SNX1: variants seen among roughly 807,000 people sequenced by gnomAD.
The protein encoded by SNX1 is sorting nexin-1.
In SNX1, 36 loss-of-function variants were observed where a neutral mutation model predicts 71.8. The observed-to-expected ratio is 0.50, with a 90% CI of 0.38 to 0.66. The LOEUF (loss-of-function observed/expected upper bound fraction) is 0.66, where lower values mean the gene tolerates loss of function less well. Among genes scored for constraint, SNX1 ranks in the 30% least tolerant of loss-of-function variants. The pLI, the probability that SNX1 is intolerant of heterozygous loss-of-function variation, is 0.00. For synonymous variants in SNX1, 254 were observed against 240.7 expected (o/e 1.06, Z -0.51); for missense variants, 612 against 646.7 (o/e 0.95, Z 0.58).
Position 64,134,762 on chromosome 15 carries a change from C to T in SNX1, c.1320C>T (p.Ala440=). 6.2e-7 allele frequency: 1 copy of T among 1,613,942 alleles called. No individual in the cohort carries two copies. The highest frequency in any genetic ancestry group is 8.5e-7 in the Non-Finnish European group (1 of 1,180,024). The change falls in exon 12 of 15, where the codon GCC becomes GCT. Residue 440 remains alanine (A), a synonymous_variant. Coordinates refer to ENST00000559844, the MANE Select transcript of SNX1 (RefSeq NM_003099.5). This position sits in a 1 kb window ranked among gnomAD's most constrained non-coding sequence, Gnocchi z 4.1. ...AGGCCGAGGCTCGGCTGCTGTGGGC[C>T]AACAAGCCTGATAAGCTGCAGCAGG... ...KREAEARLLW[A]NKPDKLQQAK...
intron 2 of SNX1, among the ~76,000 whole-genome samples, chr15:64,117,256 A>G (rs1223437360): frequency 6.6e-6 from 1 of 151,936 alleles, no homozygotes; most frequent in African/African-American, 2.4e-5. Context: ...TTTACAAGCA[A>G]TTTTTTTTCT....
chr15:64,120,814 T>C (rs887839834), intron 4 of SNX1, among the ~76,000 whole-genome samples: 1 of 152,112 alleles, frequency 6.6e-6, no homozygotes, highest in Admixed American at 6.6e-5. Flanking sequence ...GCACTCCACG[T>C]TGGGTAACAG....
intron 1 of SNX1, among the ~76,000 whole-genome samples, chr15:64,107,196 A>C (rs2140135186): frequency 6.6e-6 from 1 of 152,340 alleles, no homozygotes; most frequent in South Asian, 2.1e-4. Context: ...TTTCCCTCAA[A>C]AAATGAGTTA....
At position 64,143,687 on chromosome 15, in the gene SNX1, A is replaced by G. The variant is rs916584485; in HGVS notation, c.*6069A>G. 4 of 152,226 alleles carry G rather than the reference A, an allele frequency of 2.6e-5. No individual in the cohort carries two copies. The allele number at this position is 152,226 out of a possible 1,614,324, so 9.4% of individuals were successfully genotyped here. On this transcript the variant is annotated 3_prime_UTR_variant, in exon 15 of 15. Transcript: ENST00000559844. ...CACCCTTTCTCCCTTCCCCATCTTC[A>G]TTCTCAGAATTACACCTGTCTGAAG... is the stretch of plus-strand genomic sequence containing the variant.
intron 11 of SNX1, chr15:64,132,378 T>C (rs971085865): frequency 6.3e-5 from 11 of 173,934 alleles, no homozygotes; most frequent in Admixed American, 2.8e-4. Flanking sequence ...TGGCTTGGCA[T>C]TGCATGGAGG....
Position 64,137,874 on chromosome 15 carries a change from T to C in SNX1, c.*256T>C, listed in dbSNP as rs1202284740. On this transcript the variant is annotated 3_prime_UTR_variant, in exon 15 of 15. Transcript: ENST00000559844. The stretch of plus-strand genomic sequence containing the variant: ...TAGGTGGTGGAATTATGGGATGGGG[T>C]GGAGTATTGATATAAATATATAAAT... 1.9e-5 allele frequency: 27 copies of C among 1,404,832 alleles called. No homozygotes were observed. Among genetic ancestry groups the C allele is most frequent in the Non-Finnish European group, 2.5e-5 (27 of 1,083,348 alleles). The allele number at this position is 1,404,832 out of a possible 1,614,324, so 87.0% of individuals were successfully genotyped here.
intron 2 of SNX1, chr15:64,115,620 G>A (rs1479556005): frequency 2.6e-6 from 1 of 383,126 alleles, no homozygotes; most frequent in African/African-American, 2.3e-5. Context: ...CTGGAGTGCA[G>A]TGGTGTGGTC....
At chr15:64,105,598 G>T (rs2140133852) in intron 1 of SNX1, among the ~76,000 whole-genome samples, 1 of 152,280 alleles carries the variant, frequency 6.6e-6, no homozygotes, top group South Asian at 2.1e-4. Context: ...TTTGAACTGG[G>T]TTTGCTTTTT....
intron 7 of SNX1, 115 bp from the exon 8 acceptor site, chr15:64,127,616 G>A (rs533566029): frequency 2.8e-6 from 2 of 722,016 alleles, no homozygotes; most frequent in South Asian, 3.4e-5. Flanking sequence ...CCTTATCTTA[G>A]GGTACTTTAA....
At chr15:64,105,556 C>T (rs1193178416) in intron 1 of SNX1, among the ~76,000 whole-genome samples, 1 of 152,214 alleles carries the variant, frequency 6.6e-6, no homozygotes, top group African/African-American at 2.4e-5. Context: ...GTCACGTGGA[C>T]AGCTGGAGCT....
Position 64,142,899 on chromosome 15 carries a change from C to G in SNX1, c.*5281C>G, listed in dbSNP as rs2081429174. On this transcript the variant is annotated 3_prime_UTR_variant, in exon 15 of 15. Transcript: ENST00000559844. ...TCTGAATGCTCCTGTAGCTAGGAACCCTAAAAAGTCTTTGAAGCAACTCAA... is the reference window on the plus strand; with the variant it reads ...TCTGAATGCTCCTGTAGCTAGGAACGCTAAAAAGTCTTTGAAGCAACTCAA... 3.6e-6 allele frequency: 1 copy of G among 274,224 alleles called. No individual in the cohort carries two copies. The highest frequency in any genetic ancestry group is 2.3e-5 in the African/African-American group (1 of 44,286). The allele number at this position is 274,224 out of a possible 1,614,324, so 17.0% of individuals were successfully genotyped here.
At chr15:64,135,975 T>C (rs532035290) in intron 12 of SNX1, among the ~76,000 whole-genome samples, 32 of 152,114 alleles carry the variant, frequency 2.1e-4, no homozygotes, top group Non-Finnish European at 4.0e-4. Flanking sequence ...AAAAGCTACC[T>C]AGCTGATTCA....
rs1436287318 is a variant in SNX1, at chr15:64,141,672, G to A, written c.*4054G>A. The A allele has an allele frequency of 6.6e-6, 1 of 152,366 alleles. No homozygotes were observed. The highest frequency in any genetic ancestry group is 2.4e-5 in the African/African-American group (1 of 41,442). The allele number at this position is 152,366 out of a possible 1,614,324, so 9.4% of individuals were successfully genotyped here. A position where few individuals can be genotyped will look rare whatever the true frequency, so the allele number is the denominator to read the frequency against. On this transcript the variant is annotated 3_prime_UTR_variant, in exon 15 of 15. Transcript: ENST00000559844. This position sits in a 1 kb window ranked among gnomAD's most constrained non-coding sequence, Gnocchi z 5.1. ...GGCCCATGGAGAAAAACGAGCAGGAGCCACATCACATGGGTGTCTGATAGG... is the reference window on the plus strand; with the variant it reads ...GGCCCATGGAGAAAAACGAGCAGGAACCACATCACATGGGTGTCTGATAGG...
At chr15:64,121,481 G>GTCTA (rs2081196335) in intron 4 of SNX1, among the ~76,000 whole-genome samples, 1 of 152,146 alleles carries the variant, frequency 6.6e-6, no homozygotes, top group South Asian at 2.1e-4. Context: ...CTCTATGCAT[G>GTCTA]TCTATCTCTG....
intron 5 of SNX1, among the ~76,000 whole-genome samples, chr15:64,125,779 T>G (rs944961179): frequency 5.9e-5 from 9 of 152,240 alleles, no homozygotes; most frequent in African/African-American, 2.2e-4. Flanking sequence ...TGAATTTTTT[T>G]TTCTCAAGGG....
rs987043592 is a variant in SNX1 at position 64,129,468 on chromosome 15, G to C, written c.808-448G>C. 3.9e-5 allele frequency among the ~76,000 whole-genome samples: 6 copies of C among 152,096 alleles called. No homozygotes were observed. Among genetic ancestry groups the C allele is most frequent in the African/African-American group, 1.4e-4 (6 of 41,392 alleles). ...CTTGATCTGAATCAATAATTTTCTT[G>C]TCCTCGGATATTTGTTCACTGAAGA... On this transcript the variant is annotated intron_variant, in intron 8 of 14. Coordinates refer to ENST00000559844, the MANE Select transcript of SNX1 (RefSeq NM_003099.5). The surrounding 1 kb of genome is among the most constrained non-coding windows in gnomAD (Gnocchi z 4.4).
chr15:64,118,066 C>T, intron 2 of SNX1, 51 bp from the exon 3 acceptor site: 1 of 1,586,614 alleles, frequency 6.3e-7, no homozygotes, highest in Non-Finnish European at 8.6e-7. Flanking sequence ...CAAGTTTAGC[C>T]TTCAAAGACT....
At chr15:64,106,270 C>A (rs74021255) in intron 1 of SNX1, among the ~76,000 whole-genome samples, 3,067 of 152,176 alleles carry the variant, frequency 0.02, 120 homozygotes, top group African/African-American at 0.07. Flanking sequence ...TCATAGATTA[C>A]CCCCTGAAGT....
At chr15:64,107,959 C>T (rs1368717274) in intron 1 of SNX1, among the ~76,000 whole-genome samples, 1 of 151,924 alleles carries the variant, frequency 6.6e-6, no homozygotes, top group African/African-American at 2.4e-5. Context: ...TTTGGGAAGC[C>T]GAGGTGGGTA....
Sources: allele counts gnomAD v4.1 joint callset (sites outside exome capture counted in the v4.1 genomes callset), GRCh38; gene constraint gnomAD v4.1.1; non-coding constraint Gnocchi (gnomAD v3.1); transcripts MANE v1.5; gene names NCBI Gene and HGNC (gene_info 2026-07-23, HGNC 2026-07-21).